PLCXD3: variants seen among roughly 807,000 people sequenced by gnomAD.
PLCXD3 encodes PI-PLC X domain-containing protein 3.
PLCXD3 carries 19 observed loss-of-function variants against 25.5 expected under a neutral mutation model. That is an observed-to-expected ratio of 0.75 (90% CI 0.52 to 1.09). The LOEUF is 1.09. PLCXD3 is among the 50% of genes least tolerant of loss of function. The pLI is 0.00. For synonymous variants in PLCXD3, 174 were observed against 137.6 expected, an observed-to-expected ratio of 1.26 and a Z score of -1.85; for missense variants, 411 against 388.1, an observed-to-expected ratio of 1.06 and a Z score of -0.50.
At chr5:41,385,217 C>T (rs1478635310) in intron 1 of PLCXD3, among the ~76,000 whole-genome samples, 1 of 152,082 alleles carries the variant, frequency 6.6e-6, no homozygotes, top group African/African-American at 2.4e-5. Context: ...CCTCTTTGAT[C>T]TTGAACTTTT....
chr5:41,319,909 A>C (rs1037679089), intron 2 of PLCXD3, among the ~76,000 whole-genome samples: 3 of 152,192 alleles, frequency 2.0e-5, no homozygotes, highest in Non-Finnish European at 4.4e-5. Flanking sequence ...ATAAAATCAG[A>C]AATGGAAAAG....
intron 1 of PLCXD3, among the ~76,000 whole-genome samples, chr5:41,389,634 G>A (rs1745746348): frequency 6.6e-6 from 1 of 152,138 alleles, no homozygotes; most frequent in Non-Finnish European, 1.5e-5. Flanking sequence ...CATATCTGCT[G>A]TTGATGTTGG....
rs73750170 is a variant in PLCXD3, at chr5:41,416,069, A to G, written c.104-33535T>C. Among the ~76,000 whole-genome samples the G allele has an allele frequency of 3.9e-3, 601 of 152,330 alleles. 5 individuals are homozygous for G. The highest frequency in any genetic ancestry group is 0.014 in the African/African-American group (572 of 41,578). ...CAGTAAGGAAACTCAGCCATCCCCA[A>G]ACAAGCTCAAAGAGGGAGATTAGGA... On this transcript the variant is annotated intron_variant, in intron 1 of 2. Coordinates refer to ENST00000377801, the MANE Select transcript of PLCXD3 (RefSeq NM_001005473.3).
At chr5:41,499,023 C>T (rs1442765609) in intron 1 of PLCXD3, among the ~76,000 whole-genome samples, 1 of 151,468 alleles carries the variant, frequency 6.6e-6, no homozygotes, top group Admixed American at 6.6e-5. Context: ...ATAAAAGCCA[C>T]ATATGACAAG....
At chr5:41,478,870 T>C (rs1363974810) in intron 1 of PLCXD3, among the ~76,000 whole-genome samples, 1 of 152,092 alleles carries the variant, frequency 6.6e-6, no homozygotes, top group Non-Finnish European at 1.5e-5. Context: ...AGCACCTTCT[T>C]CACATGGCAG....
intron 1 of PLCXD3, among the ~76,000 whole-genome samples, chr5:41,413,516 A>C (rs962081912): frequency 5.3e-5 from 8 of 152,226 alleles, no homozygotes; most frequent in Admixed American, 4.6e-4. Context: ...TTTCAAAAAA[A>C]TGGTCCTTGC....
chr5:41,479,554 A>G (rs772789643), intron 1 of PLCXD3, among the ~76,000 whole-genome samples: 8 of 152,216 alleles, frequency 5.3e-5, no homozygotes, highest in Admixed American at 2.6e-4. Flanking sequence ...GCTTAAAAAC[A>G]TAGATGTATA....
chr5:41,509,412 G>A (rs1738982666), intron 1 of PLCXD3, among the ~76,000 whole-genome samples: 1 of 152,094 alleles, frequency 6.6e-6, no homozygotes, highest in South Asian at 2.1e-4. Flanking sequence ...TGTCATTGTT[G>A]TAAACTGTCC....
At chr5:41,454,021 C>T (rs560410456) in intron 1 of PLCXD3, among the ~76,000 whole-genome samples, 1 of 151,928 alleles carries the variant, frequency 6.6e-6, no homozygotes, top group African/African-American at 2.4e-5. Context: ...ATTTAGACCT[C>T]CCAGGAATCT....
intron 1 of PLCXD3, among the ~76,000 whole-genome samples, chr5:41,398,485 A>C (rs1460650743): frequency 1.3e-5 from 2 of 152,208 alleles, no homozygotes; most frequent in African/African-American, 2.4e-5. Context: ...TAAGTTACCC[A>C]GTCTCAAGTA....
At chr5:41,316,391 C>T (rs532464509) in intron 2 of PLCXD3, among the ~76,000 whole-genome samples, 1 of 152,178 alleles carries the variant, frequency 6.6e-6, no homozygotes, top group Non-Finnish European at 1.5e-5. Flanking sequence ...TTGGGTGAAC[C>T]TCTGAGGCTT....
In PLCXD3 at chr5:41,347,129, A is replaced by G. The variant is rs533485383; in HGVS notation, c.813-33359T>C. Among the ~76,000 whole-genome samples the G allele has an allele frequency of 2.0e-5, 3 of 152,344 alleles. No individual in the cohort carries two copies. In the South Asian group the frequency reaches 6.2e-4, roughly 32 times the overall value. Reference sequence around the variant, plus strand: ...CATTTTGCATTCCCAACAGGAATGAATAAGAGTTTCTGTTGCTCCATATTT... The same window carrying G: ...CATTTTGCATTCCCAACAGGAATGAGTAAGAGTTTCTGTTGCTCCATATTT... On this transcript the variant is annotated intron_variant, in intron 2 of 2. Coordinates refer to ENST00000377801, the MANE Select transcript of PLCXD3 (RefSeq NM_001005473.3).
intron 2 of PLCXD3, among the ~76,000 whole-genome samples, chr5:41,361,822 C>T (rs1303252076): frequency 6.6e-6 from 1 of 152,188 alleles, no homozygotes; most frequent in Non-Finnish European, 1.5e-5. Flanking sequence ...TATTTTACTT[C>T]ATTGACTGCT....
At chr5:41,381,336 T>C (rs950867781) in intron 2 of PLCXD3, among the ~76,000 whole-genome samples, 1 of 152,166 alleles carries the variant, frequency 6.6e-6, no homozygotes, top group African/African-American at 2.4e-5. Flanking sequence ...GTTAAAGTCC[T>C]AACCCCTGCT....
At chr5:41,323,266 T>TA (rs575989901) in intron 2 of PLCXD3, among the ~76,000 whole-genome samples, 273 of 151,856 alleles carry the variant, frequency 1.8e-3, no homozygotes, top group African/African-American at 6.3e-3. Context: ...TTAAAAAGTA[T>TA]AAAAAAAAGT....
intron 1 of PLCXD3, among the ~76,000 whole-genome samples, chr5:41,455,276 G>T (rs142118553): frequency 1.3e-5 from 2 of 152,018 alleles, no homozygotes; most frequent in Admixed American, 6.6e-5. Flanking sequence ...ATGGTAATTT[G>T]TTACAGCAGT....
In PLCXD3 at chr5:41,308,644, A is replaced by G. The variant is rs1014092217; in HGVS notation, c.*4973T>C. The G allele has an allele frequency of 1.3e-5, 2 of 152,134 alleles. No individual in the cohort carries two copies. The highest frequency in any genetic ancestry group is 6.6e-5 in the Admixed American group (1 of 15,256). 9.4% of individuals were successfully genotyped at this position (152,134 alleles called of 1,614,324 possible). A position where few individuals can be genotyped will look rare whatever the true frequency, so the allele number is the denominator to read the frequency against. Reference sequence around the variant, plus strand: ...GAGAACCATGTTGGAACCACCTAGTATGGATGGGCCTTTAAAAGCTCTCCT... The same window carrying G: ...GAGAACCATGTTGGAACCACCTAGTGTGGATGGGCCTTTAAAAGCTCTCCT... On this transcript the variant is annotated 3_prime_UTR_variant, in exon 3 of 3. Transcript: ENST00000377801.
chr5:41,431,214 G>A (rs947618084), intron 1 of PLCXD3, among the ~76,000 whole-genome samples: 8 of 152,030 alleles, frequency 5.3e-5, no homozygotes, highest in Admixed American at 2.0e-4. Flanking sequence ...TTGGATTATC[G>A]CTTAAAATTT....
chr5:41,444,371 T>C (rs1747450106), intron 1 of PLCXD3, among the ~76,000 whole-genome samples: 1 of 152,238 alleles, frequency 6.6e-6, no homozygotes, highest in African/African-American at 2.4e-5. Flanking sequence ...AATAAACACA[T>C]AGAGTCACAT....
Sources: allele counts gnomAD v4.1 joint callset (sites outside exome capture counted in the v4.1 genomes callset), GRCh38; gene constraint gnomAD v4.1.1; transcripts MANE v1.5; gene names NCBI Gene and HGNC (gene_info 2026-07-23, HGNC 2026-07-21).